The following ALPL variants were observed in gnomAD, a reference collection of about 807,000 sequenced individuals.
ALPL encodes alkaline phosphatase, biomineralization associated.
ALPL carries 42 observed loss-of-function variants against 51.3 expected under a neutral mutation model. The observed-to-expected ratio is 0.82, with a 90% CI of 0.64 to 1.06. The LOEUF (loss-of-function observed/expected upper bound fraction) is 1.06. Ranked by LOEUF, ALPL falls within the 50% of genes least tolerant of loss-of-function variation. The probability of loss-of-function intolerance (pLI) is 0.00; values close to 1 mark genes in which losing one functional copy is unlikely to be tolerated. For missense variants in ALPL, 589 were observed against 709.4 expected, an observed-to-expected ratio of 0.83 and a Z score of 1.93; for synonymous variants, 279 against 296.4, an observed-to-expected ratio of 0.94 and a Z score of 0.60.
At chr1:21,576,264 TGGATGGGTG>T (rs1644733567) in intron 10 of ALPL, among the ~76,000 whole-genome samples, 2 of 36,996 alleles carry the variant, frequency 5.4e-5, no homozygotes, top group African/African-American at 1.1e-4. Context: ...GATGGATGGA[TGGATGGGTG>T]GATGGATGGA....
At position 21,573,678 on chromosome 1, in the gene ALPL, A is replaced by G. The variant is rs3200255; in HGVS notation, c.876A>G (p.Pro292=). The change falls in exon 9 of 12, where the codon CCA becomes CCG. Residue 292 remains proline, a synonymous_variant. Transcript: ENST00000374840. The part of the protein sequence containing the change: ...NVDYLLGLFE[P]GDMQYELNRN... ...CGTCCTCCTCAGGTCTCTTCGAGCCAGGGGACATGCAGTACGAGCTGAACA... is the reference window on the plus strand; with the variant it reads ...CGTCCTCCTCAGGTCTCTTCGAGCCGGGGGACATGCAGTACGAGCTGAACA... 0.15 allele frequency: 240,405 copies of G among 1,612,332 alleles called. 22,830 individuals are homozygous for G. The highest frequency in any genetic ancestry group is 0.5 in the East Asian group (22,447 of 44,746).
intron 8 of ALPL, among the ~76,000 whole-genome samples, chr1:21,571,063 C>T (rs1644640646): frequency 6.6e-6 from 1 of 152,322 alleles, no homozygotes; most frequent in Admixed American, 6.5e-5. Context: ...TCTTGCTTGC[C>T]TGGGTCACAT....
At position 21,563,243 on chromosome 1, in the gene ALPL, G is replaced by A. The variant is rs1291792579; in HGVS notation, c.431G>A (p.Gly144Glu). ...TERSRCNTTQGNEVTSILRWA... is the reference protein window; with the variant it reads ...TERSRCNTTQENEVTSILRWA... ...CGTTCCCGGTGCAACACCACCCAGG[G>A]GAACGAGGTCACCTCCATCCTGCGC... Residue 144 changes from glycine to glutamate, a missense_variant, in exon 5 of 12, where the codon GGG (glycine) becomes GAG (glutamate). Physicochemically the swap from Gly to Glu is moderately conservative, Grantham distance 98 (BLOSUM62 -2). Transcript: ENST00000374840. 8.7e-6 allele frequency: 14 copies of A among 1,613,634 alleles called. No individual in the cohort carries two copies. Among genetic ancestry groups the A allele is most frequent in the Non-Finnish European group, 1.2e-5 (14 of 1,179,926 alleles).
intron 1 of ALPL, among the ~76,000 whole-genome samples, chr1:21,546,771 T>A (rs1038453324): frequency 6.6e-6 from 1 of 152,196 alleles, no homozygotes; most frequent in Admixed American, 6.5e-5. Flanking sequence ...TGAGCCTCTG[T>A]TTCTCTGCAA....
In ALPL at chr1:21,509,504, A is replaced by G. The variant is rs1356926078; in HGVS notation, c.-118A>G. On this transcript the variant is annotated 5_prime_UTR_variant, in exon 1 of 12. Coordinates refer to ENST00000374840, the MANE Select transcript of ALPL (RefSeq NM_000478.6). The surrounding 1 kb of genome is among the most constrained non-coding windows in gnomAD (Gnocchi z 6.0). ...GCTTGTGCCTGGACGGACCCTCGCC[A>G]GTGCTCTGCGCAGGTAAGGATTCGA... 1.3e-5 allele frequency: 2 copies of G among 152,044 alleles called. No individual in the cohort carries two copies. The highest frequency in any genetic ancestry group is 2.9e-5 in the Non-Finnish European group (2 of 68,012). The allele number at this position is 152,044 out of a possible 1,614,324, so 9.4% of individuals were successfully genotyped here. A position where few individuals can be genotyped will look rare whatever the true frequency, so the allele number is the denominator to read the frequency against.
rs375335760 is a variant in ALPL at position 21,511,013 on chromosome 1, C to T, written c.-105+1496C>T. Among the ~76,000 whole-genome samples, 172 of 152,248 alleles carry T rather than the reference C, an allele frequency of 1.1e-3. 1 individual carries two copies. The highest frequency in any genetic ancestry group is 4.1e-3 in the African/African-American group (169 of 41,554). ...TGTAAAAAGGGGTGTATTCCCCTTT[C>T]GGGACTATTGTGAGGAATAAAACTG... On this transcript the variant is annotated intron_variant, in intron 1 of 11. Transcript: ENST00000374840.
Position 21,576,519 on chromosome 1 carries a change from C to T in ALPL, c.1190-3C>T. The stretch of plus-strand genomic sequence containing the variant: ...GACCCCTGAACACCCCCTCCCTGTG[C>T]AGGTCTGGCCCCCATGCTGAGTGAC... On this transcript the variant is annotated splice_region_variant and splice_polypyrimidine_tract_variant and intron_variant, in intron 10 of 11. Transcript: ENST00000374840. 5 of 1,613,718 alleles carry T rather than the reference C, an allele frequency of 3.1e-6. No homozygotes were observed. The highest frequency in any genetic ancestry group is 1.1e-5 in the South Asian group (1 of 91,062).
At chr1:21,514,216 T>G (rs7535497) in intron 1 of ALPL, among the ~76,000 whole-genome samples, 49,373 of 151,940 alleles carry the variant, frequency 0.32, 8,776 homozygotes, top group East Asian at 0.48. Context: ...AGCATCTACC[T>G]GTCAAGGCTC....
chr1:21,525,576 A>G, intron 1 of ALPL, among the ~76,000 whole-genome samples: 1 of 152,236 alleles, frequency 6.6e-6, no homozygotes, highest in East Asian at 1.9e-4. Context: ...AGAAGGGGAA[A>G]GACGGGTGCG....
In ALPL at chr1:21,533,913, A is replaced by T. The variant is rs1416548776; in HGVS notation, c.-104-20065A>T. On this transcript the variant is annotated intron_variant, in intron 1 of 11. Coordinates refer to ENST00000374840, the MANE Select transcript of ALPL (RefSeq NM_000478.6). ...ACTCTGGCCTGGGTGACAAGAGTAA[A>T]ACTCTTGTCTCAAAAAAAAAAAAAG... Among the ~76,000 whole-genome samples the T allele has an allele frequency of 3.6e-5, 4 of 112,010 alleles. No individual in the cohort carries two copies. The East Asian group carries it at 1.3e-3, about 37-fold the overall frequency. The allele number at this position is 112,010 out of a possible 152,430, so 73.5% of individuals were successfully genotyped here.
intron 1 of ALPL, among the ~76,000 whole-genome samples, chr1:21,546,195 A>C (rs897382813): frequency 2.0e-5 from 3 of 152,318 alleles, no homozygotes; most frequent in African/African-American, 7.2e-5. Flanking sequence ...ATCTGACGCA[A>C]TTTGAGTTAC....
chr1:21,563,118 C>T lies in ALPL; in HGVS notation c.306C>T (p.Asn102=), dbSNP rs1015578994. The T allele has an allele frequency of 1.9e-5, 31 of 1,613,522 alleles. No homozygotes were observed. The highest frequency in any genetic ancestry group is 2.4e-5 in the Non-Finnish European group (28 of 1,180,032). The change falls in exon 5 of 12, where the codon AAC becomes AAT. Residue 102 remains asparagine (N), a synonymous_variant. Coordinates refer to ENST00000374840, the MANE Select transcript of ALPL (RefSeq NM_000478.6). ...TCCTCTCCCACCTGCAGACGTACAA[C>T]ACCAATGCCCAGGTCCCTGACAGTG... ...FPFVALSKTY[N]TNAQVPDSAG... is the part of the protein sequence containing the mutation.
At chr1:21,576,351 G>A (rs1237206462) in intron 10 of ALPL, among the ~76,000 whole-genome samples, 171 bp from the exon 11 acceptor site, 1 of 151,934 alleles carries the variant, frequency 6.6e-6, no homozygotes, top group Non-Finnish European at 1.5e-5. Flanking sequence ...GAAAACTGGG[G>A]AATGGTTAGT....
At chr1:21,557,714 A>T (rs1172657873) in intron 2 of ALPL, among the ~76,000 whole-genome samples, 1 of 152,224 alleles carries the variant, frequency 6.6e-6, no homozygotes, top group African/African-American at 2.4e-5. Flanking sequence ...GGATTACAGG[A>T]TGAGCCACTT....
At chr1:21,552,106 T>TCCTCCCCTCC (rs1217638168) in intron 1 of ALPL, among the ~76,000 whole-genome samples, 3 of 33,814 alleles carry the variant, frequency 8.9e-5, no homozygotes, top group East Asian at 8.8e-4. Context: ...CCCTTCCCTT[T>TCCTCCCCTCC]CCTCCCCTTC....
At chr1:21,525,711 G>C (rs577808389) in intron 1 of ALPL, among the ~76,000 whole-genome samples, 19,314 of 152,214 alleles carry the variant, frequency 0.13, 1,385 homozygotes, top group Middle Eastern at 0.18. Context: ...GTGTAGGCTG[G>C]GCTCCGCGGC....
At chr1:21,510,432 AAGTC>A (rs1473009205) in intron 1 of ALPL, among the ~76,000 whole-genome samples, 2 of 152,094 alleles carry the variant, frequency 1.3e-5, no homozygotes, top group African/African-American at 4.8e-5. Flanking sequence ...CCCTGGGAAA[AAGTC>A]AGACCGCTCA....
At chr1:21,569,701 A>G (rs1644618817) in intron 7 of ALPL, among the ~76,000 whole-genome samples, 1 of 152,172 alleles carries the variant, frequency 6.6e-6, no homozygotes, top group Non-Finnish European at 1.5e-5. Context: ...AAGGGCACAC[A>G]GCAGATCCTT....
intron 2 of ALPL, 150 bp downstream of exon 2, chr1:21,554,292 T>C (rs1288324220): frequency 1.4e-5 from 10 of 740,400 alleles, no homozygotes; most frequent in Admixed American, 2.1e-5. Flanking sequence ...CCCTGCTACT[T>C]GCATGTGTTA....
Sources: gnomAD v4.1 joint callset for allele counts (sites outside exome capture counted in the v4.1 genomes callset) on GRCh38, gnomAD v4.1.1 for gene constraint, Gnocchi (gnomAD v3.1) non-coding constraint, MANE v1.5 for transcripts, NCBI Gene and HGNC (gene_info 2026-07-23, HGNC 2026-07-21) for gene names.